The following NRXN1 variants were observed in gnomAD, a reference collection of about 807,000 sequenced individuals.
NRXN1 encodes the protein neurexin-1.
NRXN1 carries 39 observed loss-of-function variants against 150.9 expected under a neutral mutation model. That is an observed-to-expected ratio of 0.26 (90% CI 0.20 to 0.34). The LOEUF (loss-of-function observed/expected upper bound fraction) is 0.34. Among genes scored for constraint, NRXN1 ranks in the 10% least tolerant of loss-of-function variants. NRXN1 has a pLI of 1.00. For missense variants in NRXN1, 1,815 were observed against 1,949.9 expected, an observed-to-expected ratio of 0.93 and a Z score of 1.30; for synonymous variants, 924 against 757.0, an observed-to-expected ratio of 1.22 and a Z score of -3.62.
intron 19 of NRXN1, among the ~76,000 whole-genome samples, chr2:50,056,732 A>C (rs1693693768): frequency 1.3e-5 from 2 of 152,274 alleles, no homozygotes; most frequent in Middle Eastern, 3.4e-3. Flanking sequence ...ATTATTGATC[A>C]ATTACATGTT....
chr2:50,037,921 A>G (rs918842425), intron 21 of NRXN1, among the ~76,000 whole-genome samples: 1 of 152,232 alleles, frequency 6.6e-6, no homozygotes, highest in African/African-American at 2.4e-5. Flanking sequence ...GAATCTGCTA[A>G]AAGTTGAAAA....
At chr2:50,652,529 A>G (rs535598079) in intron 5 of NRXN1, among the ~76,000 whole-genome samples, 1 of 152,212 alleles carries the variant, frequency 6.6e-6, no homozygotes, top group African/African-American at 2.4e-5. Flanking sequence ...TGTAGCATAT[A>G]GCATGTGGAA....
At chr2:50,348,848 T>C (rs1486053755) in intron 17 of NRXN1, among the ~76,000 whole-genome samples, 1 of 152,172 alleles carries the variant, frequency 6.6e-6, no homozygotes, top group Non-Finnish European at 1.5e-5. Flanking sequence ...TTTTTTTTTT[T>C]TGTCTTTATT....
chr2:50,821,052 G>A (rs539748652), intron 5 of NRXN1, among the ~76,000 whole-genome samples: 1 of 152,062 alleles, frequency 6.6e-6, no homozygotes, highest in African/African-American at 2.4e-5. Context: ...TTTAGGACTT[G>A]GCAGAAGTTT....
At chr2:50,630,318 A>G (rs1174422657) in intron 5 of NRXN1, among the ~76,000 whole-genome samples, 2 of 151,716 alleles carry the variant, frequency 1.3e-5, no homozygotes, top group East Asian at 3.9e-4. Flanking sequence ...TTCAACACCA[A>G]GAATCACTGA....
intron 5 of NRXN1, among the ~76,000 whole-genome samples, chr2:50,668,078 G>C (rs565761978): frequency 3.3e-5 from 5 of 151,884 alleles, no homozygotes; most frequent in Non-Finnish European, 7.4e-5. Flanking sequence ...AAAGTATTTC[G>C]AATGGTATTT....
chr2:50,447,778 T>C (rs868436083), intron 17 of NRXN1, among the ~76,000 whole-genome samples: 2 of 118,716 alleles, frequency 1.7e-5, no homozygotes, highest in East Asian at 2.6e-4. Context: ...TATATATATA[T>C]ACCTAATTCC....
intron 22 of NRXN1, among the ~76,000 whole-genome samples, chr2:49,928,656 C>G (rs1669563540): frequency 6.6e-6 from 1 of 152,062 alleles, no homozygotes. Flanking sequence ...TACTTTTTCC[C>G]ATTTTTTTGC....
chr2:50,096,022 G>A (rs865911955), intron 18 of NRXN1, among the ~76,000 whole-genome samples: 8 of 142,558 alleles, frequency 5.6e-5, no homozygotes, highest in Admixed American at 5.4e-4. Flanking sequence ...TTTAAATGAC[G>A]CCCATCTCTT....
intron 17 of NRXN1, among the ~76,000 whole-genome samples, chr2:50,357,302 A>ATTTATTTATTTTTTTT: frequency 7.0e-6 from 1 of 142,900 alleles, no homozygotes; most frequent in East Asian, 2.5e-4. Context: ...TTATTTATTT[A>ATTTATTTATTTTTTTT]TTTTTTTTTT....
At chr2:50,385,537 C>T (rs2103736571) in intron 17 of NRXN1, among the ~76,000 whole-genome samples, 1 of 152,258 alleles carries the variant, frequency 6.6e-6, no homozygotes, top group African/African-American at 2.4e-5. Context: ...CACCTCAAAC[C>T]AACACTCTCA....
rs1013476105 is a variant in NRXN1 at position 50,922,703 on chromosome 2, G to A, written c.791-16C>T. On this transcript the variant is annotated splice_polypyrimidine_tract_variant and intron_variant, in intron 3 of 22. Coordinates refer to ENST00000401669, the MANE Select transcript of NRXN1 (RefSeq NM_001330078.2). ...TGCGCCAGACCTTGAAGGGAAACAA[G>A]AGCACAGTCAGCAATAAACAAGGGA... 11 of 1,609,732 alleles carry A rather than the reference G, an allele frequency of 6.8e-6. No individual in the cohort carries two copies. The highest frequency in any genetic ancestry group is 4.0e-5 in the African/African-American group (3 of 74,710).
chr2:50,445,848 G>T (rs2086354977), intron 17 of NRXN1, among the ~76,000 whole-genome samples: 1 of 152,044 alleles, frequency 6.6e-6, no homozygotes, highest in African/African-American at 2.4e-5. Flanking sequence ...TCAGGAGAAG[G>T]CCCCTCAGGA....
intron 18 of NRXN1, among the ~76,000 whole-genome samples, chr2:50,111,266 G>C (rs1238052702): frequency 6.6e-6 from 1 of 152,126 alleles, no homozygotes; most frequent in African/African-American, 2.4e-5. Flanking sequence ...CTGACAAAGG[G>C]TCACTTAAGT....
At chr2:51,024,236 C>T (rs1170489236) in intron 2 of NRXN1, among the ~76,000 whole-genome samples, 6 of 152,170 alleles carry the variant, frequency 3.9e-5, no homozygotes, top group Non-Finnish European at 8.8e-5. Context: ...GCTATGTACC[C>T]TGTAAGCATT....
At chr2:50,737,649 ATTTAATAAT>A (rs1405463716) in intron 5 of NRXN1, among the ~76,000 whole-genome samples, 1 of 152,128 alleles carries the variant, frequency 6.6e-6, no homozygotes, top group African/African-American at 2.4e-5. Flanking sequence ...ATCTTCATTC[ATTTAATAAT>A]TTTGGATGAT....
At chr2:49,964,908 C>A (rs191405433) in intron 21 of NRXN1, among the ~76,000 whole-genome samples, 3 of 152,014 alleles carry the variant, frequency 2.0e-5, no homozygotes, top group Non-Finnish European at 2.9e-5. Flanking sequence ...TTTTTTGAGA[C>A]GAGGGTCTCA....
At chr2:50,822,945 T>C (rs1669942096) in intron 5 of NRXN1, among the ~76,000 whole-genome samples, 1 of 152,198 alleles carries the variant, frequency 6.6e-6, no homozygotes, top group Non-Finnish European at 1.5e-5. Flanking sequence ...GATTATGGGC[T>C]ACCATGTATA....
intron 17 of NRXN1, among the ~76,000 whole-genome samples, chr2:50,290,905 T>C (rs1043564693): frequency 2.0e-5 from 3 of 152,298 alleles, no homozygotes; most frequent in African/African-American, 7.2e-5. Flanking sequence ...CAAATGCGAC[T>C]GGCAAAGGAA....
Sources: allele counts gnomAD v4.1 joint callset (sites outside exome capture counted in the v4.1 genomes callset), GRCh38; gene constraint gnomAD v4.1.1; transcripts MANE v1.5; gene names NCBI Gene and HGNC (gene_info 2026-07-23, HGNC 2026-07-21).